The following SAPCD1 variants were observed in gnomAD, a reference collection of about 807,000 sequenced individuals.
SAPCD1 encodes the protein suppressor APC domain containing 1.
In SAPCD1, 16 loss-of-function variants were observed where a neutral mutation model predicts 20.7. That is an observed-to-expected ratio of 0.77 (90% CI 0.52 to 1.17). The LOEUF is 1.17. Ranked by LOEUF, SAPCD1 falls within the 50% of genes most tolerant of loss-of-function variation. SAPCD1 has a pLI of 0.00. For missense variants in SAPCD1, 173 were observed against 209.9 expected, an observed-to-expected ratio of 0.82 and a Z score of 1.09; for synonymous variants, 77 against 84.8, an observed-to-expected ratio of 0.91 and a Z score of 0.50.
At position 31,763,060 on chromosome 6, in the gene SAPCD1, G is replaced by A. The variant is rs761066355; in HGVS notation, c.6G>A (p.Gly2=). The change falls in exon 1 of 5, where the codon GGG becomes GGA. Residue 2 remains glycine (G), a synonymous_variant. Transcript: ENST00000415669. The surrounding 1 kb of genome is among the most constrained non-coding windows in gnomAD (Gnocchi z 4.9). ...ACCCTTCCCACCTCAGAGCCATGGG[G>A]AGCCAGGGCTCTGGCGGGGTGCCCT... The A allele has an allele frequency of 1.9e-6, 3 of 1,571,608 alleles. No homozygotes were observed. The South Asian group carries it at 3.4e-5, about 18-fold the overall frequency.
Position 31,763,009 on chromosome 6 carries a change from C to A in SAPCD1, c.-46C>A, listed in dbSNP as rs779884186. 8.7e-6 allele frequency: 10 copies of A among 1,148,354 alleles called. No individual in the cohort carries two copies. Among genetic ancestry groups the A allele is most frequent in the Non-Finnish European group, 1.1e-5 (9 of 797,066 alleles). The allele number at this position is 1,148,354 out of a possible 1,614,324, so 71.1% of individuals were successfully genotyped here. A position where few individuals can be genotyped will look rare whatever the true frequency, so the allele number is the denominator to read the frequency against. ...CAGGGGTGGAGGGGAGGGACCAGCC[C>A]GGGCTGCACCAGTGGGAGTGGCTCC... On this transcript the variant is annotated 5_prime_UTR_variant, in exon 1 of 5. Coordinates refer to ENST00000415669, the Ensembl canonical transcript of SAPCD1. This position sits in a 1 kb window ranked among gnomAD's most constrained non-coding sequence, Gnocchi z 4.9.
Position 31,764,350 on chromosome 6 carries a change from C to T in SAPCD1, c.436C>T (p.Gln146Ter), listed in dbSNP as rs758821446. ...ACGAAGGGAGCAGAACTTGTGGCAG[C>T]AACAGGTAAACTTCAAGAAGGAGGG... Residue 146 changes from glutamine to a stop codon, truncating the protein, a stop_gained, in exon 4 of 5, where the codon CAA (glutamine) becomes TAA (stop). Transcript: ENST00000415669. LOFTEE classifies it low-confidence loss of function (END_TRUNC). The surrounding 1 kb of genome is among the most constrained non-coding windows in gnomAD (Gnocchi z 4.7). 1 of 1,613,906 alleles carries T rather than the reference C, an allele frequency of 6.2e-7. No homozygotes were observed. The highest frequency in any genetic ancestry group is 8.5e-7 in the Non-Finnish European group (1 of 1,179,780).
chr6:31,762,792 A>C (rs1273522355), upstream of SAPCD1: 2 of 544,994 alleles, frequency 3.7e-6, no homozygotes, highest in East Asian at 3.0e-5. Context: ...TGCTGTAGGA[A>C]GACTCCCGGA....
At position 31,763,119 on chromosome 6, in the gene SAPCD1, C is replaced by T. The variant is rs750348315; in HGVS notation, c.65C>T (p.Pro22Leu). Reference sequence around the variant, plus strand: ...GCTCCCTACACAGTCCTGCTGCTGCCGCTGGGGACAAGCCGCCAAGACCCA... The same window carrying T: ...GCTCCCTACACAGTCCTGCTGCTGCTGCTGGGGACAAGCCGCCAAGACCCA... The change falls in exon 1 of 5, where the codon CCG (proline) becomes CTG (leucine). Residue 22 changes from proline to leucine, a missense_variant. Transcript: ENST00000415669. This position sits in a 1 kb window ranked among gnomAD's most constrained non-coding sequence, Gnocchi z 4.9. The T allele has an allele frequency of 1.2e-5, 18 of 1,563,876 alleles. No individual in the cohort carries two copies. The highest frequency in any genetic ancestry group is 6.9e-5 in the African/African-American group (5 of 72,536).
In SAPCD1 at chr6:31,764,286, C is replaced by G; in HGVS notation, c.372C>G (p.Asn124Lys). Reference sequence around the variant, plus strand: ...TCCAGTTCTCCCCAAGTCCACTGAACAAGGCTAGTTCCTGCACCACCCAGG... The same window carrying G: ...TCCAGTTCTCCCCAAGTCCACTGAAGAAGGCTAGTTCCTGCACCACCCAGG... The change falls in exon 4 of 5, where the codon AAC becomes AAG. Residue 124 changes from asparagine (N) to lysine (K), a missense_variant. Coordinates refer to ENST00000415669, the Ensembl canonical transcript of SAPCD1. The surrounding 1 kb of genome is among the most constrained non-coding windows in gnomAD (Gnocchi z 4.7). 1.2e-6 allele frequency: 2 copies of G among 1,614,158 alleles called. No homozygotes were observed. Among genetic ancestry groups the G allele is most frequent in the Admixed American group, 1.7e-5 (1 of 60,022 alleles).
At chr6:31,762,683 G>C, upstream of SAPCD1, 1 of 589,392 alleles carries the variant, frequency 1.7e-6, no homozygotes, top group South Asian at 2.2e-5. Context: ...GAAAGATATT[G>C]TTTCTTTAGT....
At position 31,764,378 on chromosome 6, in the gene SAPCD1, G is replaced by A. The variant is rs28399993; in HGVS notation, c.441+23G>A. On this transcript the variant is annotated intron_variant, in intron 4 of 4. Coordinates refer to ENST00000415669, the Ensembl canonical transcript of SAPCD1. This position sits in a 1 kb window ranked among gnomAD's most constrained non-coding sequence, Gnocchi z 4.7. ...CAGGTAAACTTCAAGAAGGAGGGCA[G>A]GAGCCCCACCCTACAGGGCTGGGAG... is the stretch of plus-strand genomic sequence containing the variant. 22,963 of 1,611,686 alleles carry A rather than the reference G, an allele frequency of 0.014. 382 individuals are homozygous for A. The highest frequency in any genetic ancestry group is 0.036 in the Admixed American group (2,176 of 60,030).
Position 31,764,408 on chromosome 6 carries a change from C to T in SAPCD1, c.442-28C>T. On this transcript the variant is annotated intron_variant, in intron 4 of 4. Transcript: ENST00000415669. This position sits in a 1 kb window ranked among gnomAD's most constrained non-coding sequence, Gnocchi z 4.7. ...CCCACCCTACAGGGCTGGGAGGAGC[C>T]CAGAGGCCCCATCTGTTTCTCCTCC... 1 of 1,611,986 alleles carries T rather than the reference C, an allele frequency of 6.2e-7. No individual in the cohort carries two copies. The highest frequency in any genetic ancestry group is 8.5e-7 in the Non-Finnish European group (1 of 1,177,988).
At position 31,764,064 on chromosome 6, in the gene SAPCD1, A is replaced by C. The variant is rs1417119042; in HGVS notation, c.256A>C (p.Asn86His). The change falls in exon 3 of 5, where the codon AAT becomes CAT. Residue 86 changes from asparagine to histidine, a missense_variant and splice_region_variant. Asn to His is a moderately conservative substitution (Grantham distance 68, BLOSUM62 1). Transcript: ENST00000415669. This position sits in a 1 kb window ranked among gnomAD's most constrained non-coding sequence, Gnocchi z 4.7. ...TGTCAGCCTCCAACTCCTCCTCTAG[A>C]ATTTTCTAACAGATTTACACTCAGA... is the stretch of plus-strand genomic sequence containing the variant. 6.2e-7 allele frequency: 1 copy of C among 1,610,034 alleles called. No homozygotes were observed. The highest frequency in any genetic ancestry group is 8.5e-7 in the Non-Finnish European group (1 of 1,176,350).
In SAPCD1 at chr6:31,763,165, T is replaced by C. The variant is rs771295626; in HGVS notation, c.111T>C (p.Leu37=). ...ACCCAGGGGCCCAGAGCTTCTTCCT[T>C]TGGGTGAGTATCAGCCCAACAAGAG... The change falls in exon 1 of 5, where the codon CTT becomes CTC. Residue 37 remains leucine (L), a synonymous_variant. Transcript: ENST00000415669. This position sits in a 1 kb window ranked among gnomAD's most constrained non-coding sequence, Gnocchi z 4.9. 2 of 1,545,520 alleles carry C rather than the reference T, an allele frequency of 1.3e-6. No individual in the cohort carries two copies. Among genetic ancestry groups the C allele is most frequent in the East Asian group, 2.3e-5 (1 of 44,202 alleles).
chr6:31,764,408 C>G lies in SAPCD1; in HGVS notation c.442-28C>G. 6.2e-7 allele frequency: 1 copy of G among 1,611,986 alleles called. No individual in the cohort carries two copies. The highest frequency in any genetic ancestry group is 8.5e-7 in the Non-Finnish European group (1 of 1,177,988). ...CCCACCCTACAGGGCTGGGAGGAGCCCAGAGGCCCCATCTGTTTCTCCTCC... is the reference window on the plus strand; with the variant it reads ...CCCACCCTACAGGGCTGGGAGGAGCGCAGAGGCCCCATCTGTTTCTCCTCC... On this transcript the variant is annotated intron_variant, in intron 4 of 4. Coordinates refer to ENST00000415669, the Ensembl canonical transcript of SAPCD1. The surrounding 1 kb of genome is among the most constrained non-coding windows in gnomAD (Gnocchi z 4.7).
rs1168182164 is a variant in SAPCD1, at chr6:31,763,567, GC to G, written c.255+16del. 3.1e-6 allele frequency: 5 copies of G among 1,600,392 alleles called. 1 individual carries two copies. In the South Asian group the frequency reaches 5.6e-5, roughly 18 times the overall value. The stretch of plus-strand genomic sequence containing the variant: ...GGGCCCTTGGTGAGGTATGGGGGCT[GC>G]CCCTCTGTGTGAATGGGGGGAGGAC... On this transcript the variant is annotated intron_variant, in intron 2 of 4. Coordinates refer to ENST00000415669, the Ensembl canonical transcript of SAPCD1. This position sits in a 1 kb window ranked among gnomAD's most constrained non-coding sequence, Gnocchi z 4.9.
Position 31,763,419 on chromosome 6 carries a change from G to C in SAPCD1, c.119G>C (p.Arg40Pro). The C allele has an allele frequency of 6.2e-7, 1 of 1,613,042 alleles. No individual in the cohort carries two copies. Among genetic ancestry groups the C allele is most frequent in the Non-Finnish European group, 8.5e-7 (1 of 1,180,034 alleles). Residue 40 changes from arginine (R) to proline (P), a missense_variant, in exon 2 of 5, where the codon CGC (arginine) becomes CCC (proline). By Grantham distance (103) the Arg-to-Pro change is moderately radical. Transcript: ENST00000415669. This position sits in a 1 kb window ranked among gnomAD's most constrained non-coding sequence, Gnocchi z 4.9. ...CTCTGTGATTGCCTTTCCCAGCTAC[G>C]CAGGATGCAGGCTCTGGAGAGAGAA...
rs538666084 is a variant in SAPCD1 at position 31,763,884 on chromosome 6, G to A, written c.256-180G>A. 13 of 612,140 alleles carry A rather than the reference G, an allele frequency of 2.1e-5. No homozygotes were observed. In the East Asian group the frequency reaches 2.2e-4, roughly 10 times the overall value. The allele number at this position is 612,140 out of a possible 1,614,324, so 37.9% of individuals were successfully genotyped here. ...AAAGGGGGTATTGTGCTATTTGAGGGAGATGGAGGAACTGATGTGCTAAAG... is the reference window on the plus strand; with the variant it reads ...AAAGGGGGTATTGTGCTATTTGAGGAAGATGGAGGAACTGATGTGCTAAAG... On this transcript the variant is annotated intron_variant, in intron 2 of 4. Transcript: ENST00000415669. The surrounding 1 kb of genome is among the most constrained non-coding windows in gnomAD (Gnocchi z 4.9).
At position 31,763,512 on chromosome 6, in the gene SAPCD1, G is replaced by A. The variant is rs1035715669; in HGVS notation, c.212G>A (p.Arg71Lys). Reference sequence around the variant, plus strand: ...CAGGCCTGGTTTGAAGACCATCTGAGGGAGGCACAGCGACAGCAGCTGCAT... The same window carrying A: ...CAGGCCTGGTTTGAAGACCATCTGAAGGAGGCACAGCGACAGCAGCTGCAT... Residue 71 changes from arginine to lysine, a missense_variant, in exon 2 of 5, where the codon AGG becomes AAG. Transcript: ENST00000415669. This position sits in a 1 kb window ranked among gnomAD's most constrained non-coding sequence, Gnocchi z 4.9. 6 of 1,612,748 alleles carry A rather than the reference G, an allele frequency of 3.7e-6. No homozygotes were observed. The highest frequency in any genetic ancestry group is 5.1e-6 in the Non-Finnish European group (6 of 1,179,958).
In SAPCD1 at chr6:31,763,301, C is replaced by G; in HGVS notation, c.115-114C>G. 7.0e-7 allele frequency: 1 copy of G among 1,432,612 alleles called. No individual in the cohort carries two copies. Among genetic ancestry groups the G allele is most frequent in the Middle Eastern group, 1.7e-4 (1 of 5,748 alleles). 88.7% of individuals were successfully genotyped at this position (1,432,612 alleles called of 1,614,324 possible). On this transcript the variant is annotated intron_variant, in intron 1 of 4. Transcript: ENST00000415669. The surrounding 1 kb of genome is among the most constrained non-coding windows in gnomAD (Gnocchi z 4.9). ...GCCCTCCAGGTCCTCAGTGGCCAGT[C>G]TGGGTTCACACTCAGTGACCACACA...
rs1343863158 is a variant in SAPCD1 at position 31,763,588 on chromosome 6, G to A, written c.255+33G>A. 3 of 1,574,334 alleles carry A rather than the reference G, an allele frequency of 1.9e-6. No homozygotes were observed. Among genetic ancestry groups the A allele is most frequent in the Non-Finnish European group, 2.6e-6 (3 of 1,159,414 alleles). On this transcript the variant is annotated intron_variant, in intron 2 of 4. Coordinates refer to ENST00000415669, the Ensembl canonical transcript of SAPCD1. The surrounding 1 kb of genome is among the most constrained non-coding windows in gnomAD (Gnocchi z 4.9). ...GGCTGCCCCTCTGTGTGAATGGGGG[G>A]AGGACCAGGGAGGGAGGAACAGGGA...
chr6:31,764,770 G>C lies in SAPCD1; in HGVS notation c.*239G>C, dbSNP rs1811362362. ...TTCTTTGAAATCCCTCTGGGAAGAA[G>C]CATGTTTATTGAAACTGTCCTTCAG... On this transcript the variant is annotated 3_prime_UTR_variant, in exon 5 of 5. Coordinates refer to ENST00000415669, the Ensembl canonical transcript of SAPCD1. This position sits in a 1 kb window ranked among gnomAD's most constrained non-coding sequence, Gnocchi z 4.7. The C allele has an allele frequency of 1.4e-5, 7 of 492,356 alleles. No individual in the cohort carries two copies. The highest frequency in any genetic ancestry group is 7.4e-5 in the Admixed American group (2 of 26,898). The allele number at this position is 492,356 out of a possible 1,614,324, so 30.5% of individuals were successfully genotyped here. A position where few individuals can be genotyped will look rare whatever the true frequency, so the allele number is the denominator to read the frequency against.
At position 31,764,181 on chromosome 6, in the gene SAPCD1, T is replaced by C. The variant is rs1265016734; in HGVS notation, c.351+22T>C. 6.2e-7 allele frequency: 1 copy of C among 1,609,196 alleles called. No homozygotes were observed. The highest frequency in any genetic ancestry group is 1.7e-5 in the Admixed American group (1 of 60,016). ...GAAGGTGAGTTTATTGTTTTCAGTT[T>C]AGACTTTTGGGAAGTTGGACTAGAG... On this transcript the variant is annotated intron_variant, in intron 3 of 4. Transcript: ENST00000415669. This position sits in a 1 kb window ranked among gnomAD's most constrained non-coding sequence, Gnocchi z 4.7.
Sources: gnomAD v4.1 joint callset for allele counts on GRCh38, gnomAD v4.1.1 for gene constraint, Gnocchi (gnomAD v3.1) non-coding constraint, MANE v1.5 for transcripts, NCBI Gene and HGNC (gene_info 2026-07-23, HGNC 2026-07-21) for gene names.